The following KRTAP6-1 variants were observed in gnomAD, a reference collection of about 807,000 sequenced individuals.
The protein encoded by KRTAP6-1 is keratin-associated protein 6-1.
A neutral mutation model predicts 1.6 loss-of-function variants in KRTAP6-1; 2 were observed. The ratio of observed to expected loss-of-function variants is 1.22; its 90% CI spans 0.50 to 3.85. KRTAP6-1 has a LOEUF of 3.85. KRTAP6-1 is among the 30% of genes most tolerant of loss of function. The pLI, the probability that KRTAP6-1 is intolerant of heterozygous loss-of-function variation, is 0.07. For missense variants in KRTAP6-1, 78 were observed against 87.7 expected, an observed-to-expected ratio of 0.89 and a Z score of 0.44; for synonymous variants, 38 against 38.5, an observed-to-expected ratio of 0.99 and a Z score of 0.05.
At chr21:30,613,753 TAGCCATAGCCACAGCCCAGTCTGCGGA>T in exon 1 of KRTAP6-1, 1 of 1,613,528 alleles carries the variant, frequency 6.2e-7, no homozygotes, top group Non-Finnish European at 8.5e-7. Context: ...GCGGGAGCCA[TAGCCATAGCCACAGCCCAGTCTGCGGA>T]AGCCACAGCC....
chr21:30,613,637 T>C, exon 1 of KRTAP6-1: 3 of 1,608,572 alleles, frequency 1.9e-6, no homozygotes, highest in South Asian at 1.1e-5. Flanking sequence ...GGCTTCAGAA[T>C]TAGTGAATCT....
At chr21:30,613,450 G>C in exon 1 of KRTAP6-1, 1 of 728,246 alleles carries the variant, frequency 1.4e-6, no homozygotes, top group East Asian at 2.9e-5. Context: ...AGTCATCAAG[G>C]CAGATGATGT....
exon 1 of KRTAP6-1, chr21:30,613,645 T>A (rs1242150246): frequency 6.2e-7 from 1 of 1,609,862 alleles, no homozygotes; most frequent in Admixed American, 1.7e-5. Flanking sequence ...AATTAGTGAA[T>A]CTCAGTATCA....
exon 1 of KRTAP6-1, chr21:30,613,541 G>T: frequency 2.1e-6 from 3 of 1,426,570 alleles, no homozygotes; most frequent in Non-Finnish European, 2.8e-6. Flanking sequence ...CAAGATATTT[G>T]TAGGTTAGAT....
chr21:30,613,705 GAGCCAGAGCCGCATCCAT>G (rs757297747), exon 1 of KRTAP6-1: 1 of 1,614,026 alleles, frequency 6.2e-7, no homozygotes, highest in African/African-American at 1.3e-5. Flanking sequence ...ATAGTAGCCA[GAGCCAGAGCCGCATCCAT>G]AGCCATAGCC....
At chr21:30,613,773 T>C (rs1261374252) in exon 1 of KRTAP6-1, 1 of 1,613,308 alleles carries the variant, frequency 6.2e-7, no homozygotes, top group Non-Finnish European at 8.5e-7. Context: ...CACAGCCCAG[T>C]CTGCGGAAGC....
chr21:30,613,810 C>CAGCCCAGGCCTCCATAGCCAT (rs760298864), exon 1 of KRTAP6-1: 2 of 1,613,700 alleles, frequency 1.2e-6, no homozygotes, highest in East Asian at 4.5e-5. Context: ...GCCATAGCCA[C>CAGCCCAGGCCTCCATAGCCAT]AGCCCAGGCC....
At chr21:30,613,571 A>C in exon 1 of KRTAP6-1, 1 of 1,549,070 alleles carries the variant, frequency 6.5e-7, no homozygotes, top group African/African-American at 1.4e-5. Context: ...ACAACAGACC[A>C]TATTAGACTT....
In KRTAP6-1 at chr21:30,613,585, T is replaced by C. The variant is rs867580922; in HGVS notation, c.*104A>G. On this transcript the variant is annotated 3_prime_UTR_variant, in exon 1 of 1. Coordinates refer to ENST00000329122, the Ensembl canonical transcript of KRTAP6-1. ...AACAACAGACCATATTAGACTTCCA[T>C]TGCAGGATATCATCACTCAAGGGAA... 7 of 1,570,840 alleles carry C rather than the reference T, an allele frequency of 4.5e-6. No individual in the cohort carries two copies. The Middle Eastern group carries it at 5.1e-4, about 115-fold the overall frequency.
chr21:30,613,794 G>T, the KRTAP6-1 span: 77 of 1,613,600 alleles, frequency 4.8e-5, 1 homozygote, highest in East Asian at 9.6e-4. Context: ...CACAGCCACA[G>T]CAGGAGCCAT....
At chr21:30,613,893 G>A (rs1980630461) in exon 1 of KRTAP6-1, 3 of 1,614,198 alleles carry the variant, frequency 1.9e-6, no homozygotes, top group South Asian at 2.2e-5. Context: ...TTCCGTAGTA[G>A]CTGCCACACA....
chr21:30,613,854 G>A (rs1041128260), exon 1 of KRTAP6-1: 1 of 1,614,176 alleles, frequency 6.2e-7, no homozygotes, highest in African/African-American at 1.3e-5. Flanking sequence ...CATAGCCACA[G>A]AACCCATAGC....
At chr21:30,613,829 C>T in exon 1 of KRTAP6-1, 1 of 1,614,008 alleles carries the variant, frequency 6.2e-7, no homozygotes. Flanking sequence ...CCTCCATAGC[C>T]ATAGCCCAGG....
At chr21:30,613,754 A>G (rs1980623349) in exon 1 of KRTAP6-1, 1 of 1,613,510 alleles carries the variant, frequency 6.2e-7, no homozygotes, top group South Asian at 1.1e-5. Flanking sequence ...CGGGAGCCAT[A>G]GCCATAGCCA....
exon 1 of KRTAP6-1, chr21:30,613,800 G>A (rs544198586): frequency 4.3e-6 from 7 of 1,613,658 alleles, no homozygotes; most frequent in Non-Finnish European, 5.1e-6. Context: ...CACAGCAGGA[G>A]CCATAGCCAC....
At chr21:30,613,513 C>G (rs139799929) in exon 1 of KRTAP6-1, 8 of 1,304,310 alleles carry the variant, frequency 6.1e-6, no homozygotes, top group Non-Finnish European at 8.2e-6. Context: ...TACCTTATCC[C>G]GTTTCATGAT....
At chr21:30,613,795 C>A in exon 1 of KRTAP6-1, 1 of 1,613,644 alleles carries the variant, frequency 6.2e-7, no homozygotes, top group East Asian at 2.2e-5. Context: ...ACAGCCACAG[C>A]AGGAGCCATA....
exon 1 of KRTAP6-1, chr21:30,613,767 G>A: frequency 6.2e-7 from 1 of 1,613,572 alleles, no homozygotes; most frequent in South Asian, 1.1e-5. Context: ...CATAGCCACA[G>A]CCCAGTCTGC....
chr21:30,613,621 C>T (rs1980617580), exon 1 of KRTAP6-1: 3 of 1,603,900 alleles, frequency 1.9e-6, no homozygotes, highest in Admixed American at 3.3e-5. Flanking sequence ...AATCTCAGAA[C>T]ATGTGGGCTT....
Sources: allele counts gnomAD v4.1 joint callset, GRCh38; gene constraint gnomAD v4.1.1; transcripts MANE v1.5; gene names NCBI Gene and HGNC (gene_info 2026-07-23, HGNC 2026-07-21).